EVC: variants seen among roughly 807,000 people sequenced by gnomAD.
EVC encodes EvC ciliary complex subunit 1.
In EVC, 116 loss-of-function variants were observed where a neutral mutation model predicts 118.9. That is an observed-to-expected ratio of 0.98 (90% CI 0.84 to 1.14). The LOEUF (loss-of-function observed/expected upper bound fraction) is 1.14. EVC is among the 50% of genes most tolerant of loss of function. EVC has a pLI of 0.00. For missense variants in EVC, 1,401 were observed against 1,246.4 expected (o/e 1.12, Z -1.87); for synonymous variants, 619 against 534.7 (o/e 1.16, Z -2.18).
At position 5,805,153 on chromosome 4, in the gene EVC, T is replaced by C. The variant is rs572546409; in HGVS notation, c.2561+312T>C. On this transcript the variant is annotated intron_variant, in intron 17 of 20. Coordinates refer to ENST00000264956, the MANE Select transcript of EVC (RefSeq NM_153717.3). ...CGCCTACCCTCTCATACTTTGGGCA[T>C]TCTCAGAAGCAGACCTTGACGAGGA... Among the ~76,000 whole-genome samples, 6 of 152,238 alleles carry C rather than the reference T, an allele frequency of 3.9e-5. No individual in the cohort carries two copies. In the East Asian group the frequency reaches 9.7e-4, roughly 25 times the overall value.
chr4:5,825,301 AC>A, the EVC span: 2 of 984,146 alleles, frequency 2.0e-6, no homozygotes, highest in Non-Finnish European at 2.4e-6. The surrounding 1 kb of genome is among the most constrained non-coding windows in gnomAD (Gnocchi z 4.4). Context: ...CCTAACATGG[AC>A]CCCCCTCTGC....
chr4:5,819,483 A>G, the EVC span, among the ~76,000 whole-genome samples: 1 of 152,206 alleles, frequency 6.6e-6, no homozygotes, highest in African/African-American at 2.4e-5. Context: ...TGTCCCCTGT[A>G]ACTGTGCCTC....
chr4:5,718,531 A>G (rs1724366331), intron 1 of EVC, among the ~76,000 whole-genome samples: 1 of 151,932 alleles, frequency 6.6e-6, no homozygotes. Flanking sequence ...AAACTGTGCT[A>G]CTAGAGTATG....
At chr4:5,796,241 TTG>T (rs1437202314) in intron 13 of EVC, among the ~76,000 whole-genome samples, 1 of 152,162 alleles carries the variant, frequency 6.6e-6, no homozygotes, top group African/African-American at 2.4e-5. Flanking sequence ...AGTGTAAAGG[TTG>T]TGTCTGACGA....
intron 11 of EVC, among the ~76,000 whole-genome samples, chr4:5,772,637 T>A (rs761260955): frequency 7.9e-5 from 12 of 151,866 alleles, no homozygotes; most frequent in Non-Finnish European, 8.8e-5. Context: ...ACCCACAAGG[T>A]CTTCCTGGCC....
At chr4:5,783,954 A>G (rs2152290562) in intron 12 of EVC, among the ~76,000 whole-genome samples, 190 bp downstream of exon 12, 1 of 152,298 alleles carries the variant, frequency 6.6e-6, no homozygotes, top group Middle Eastern at 3.4e-3. Context: ...ATCTCCCTCA[A>G]CAGGAAGTCG....
chr4:5,770,967 G>A (rs1023566792), intron 11 of EVC, among the ~76,000 whole-genome samples: 3 of 151,154 alleles, frequency 2.0e-5, no homozygotes, highest in Admixed American at 6.6e-5. Flanking sequence ...AGACGAGATC[G>A]CACCATTGCA....
Position 5,753,968 on chromosome 4 carries a change from G to T in EVC, c.1464+35G>T, listed in dbSNP as rs942855280. The T allele has an allele frequency of 1.9e-6, 3 of 1,611,812 alleles. No individual in the cohort carries two copies. In the African/African-American group the frequency reaches 4.0e-5, roughly 22 times the overall value. On this transcript the variant is annotated intron_variant, in intron 10 of 20. Coordinates refer to ENST00000264956, the MANE Select transcript of EVC (RefSeq NM_153717.3). ...ATCCCCAGCCTCTGCACATGTGGGT[G>T]AGCCAGTTGTAGCTCTGTTCCCGTG... is the stretch of plus-strand genomic sequence containing the variant.
intron 2 of EVC, among the ~76,000 whole-genome samples, chr4:5,723,332 G>A (rs1345225549): frequency 6.6e-6 from 1 of 152,008 alleles, no homozygotes; most frequent in Non-Finnish European, 1.5e-5. Context: ...TGGGATTACA[G>A]GCATGCGCCA....
At chr4:5,828,292 C>A in the EVC span, 11 of 985,038 alleles carry the variant, frequency 1.1e-5, no homozygotes, top group Non-Finnish European at 1.1e-5. Flanking sequence ...CTGGAACTTG[C>A]ATGTCCTCAT....
chr4:5,758,348 A>G (rs948510337), intron 11 of EVC: 5 of 533,306 alleles, frequency 9.4e-6, no homozygotes, highest in Non-Finnish European at 1.7e-5. Context: ...AGCCACAGGA[A>G]ACTAAACGGA....
chr4:5,752,678 G>A (rs963059213), intron 8 of EVC, 158 bp from the exon 9 acceptor site: 24 of 772,844 alleles, frequency 3.1e-5, no homozygotes, highest in South Asian at 1.8e-4. Context: ...CGCAGATCTC[G>A]CTCATGAAGG....
At chr4:5,801,718 C>A in intron 15 of EVC, 1 of 460,698 alleles carries the variant, frequency 2.2e-6, no homozygotes, top group Non-Finnish European at 4.0e-6. Context: ...TCTTAGCCGA[C>A]TTTCCCTAAC....
Position 5,798,498 on chromosome 4 carries a change from G to T in EVC, c.2098-88G>T. Reference sequence around the variant, plus strand: ...TCCCTTTTCCAACCCCTGGGCCCTGGATAGGACCAGCCCCACATCCCAGTC... The same window carrying T: ...TCCCTTTTCCAACCCCTGGGCCCTGTATAGGACCAGCCCCACATCCCAGTC... On this transcript the variant is annotated intron_variant, in intron 14 of 20. Transcript: ENST00000264956. The surrounding 1 kb of genome is among the most constrained non-coding windows in gnomAD (Gnocchi z 4.1). 1 of 1,386,264 alleles carries T rather than the reference G, an allele frequency of 7.2e-7. No homozygotes were observed. 85.9% of individuals were successfully genotyped at this position (1,386,264 alleles called of 1,614,324 possible).
chr4:5,752,663 G>A (rs1730564291), intron 8 of EVC, 173 bp from the exon 9 acceptor site: 1 of 719,244 alleles, frequency 1.4e-6, no homozygotes, highest in Non-Finnish European at 2.5e-6. Context: ...CACCTCGGGG[G>A]CAGACGCAGA....
At chr4:5,790,042 A>G (rs1712463531) in intron 12 of EVC, among the ~76,000 whole-genome samples, 3 of 152,038 alleles carry the variant, frequency 2.0e-5, no homozygotes, top group Admixed American at 6.5e-5. Context: ...TGAGTCGGGC[A>G]TGGTGACATG....
Position 5,738,832 on chromosome 4 carries a change from C to T in EVC, c.703-2884C>T, listed in dbSNP as rs963617850. 6.6e-6 allele frequency among the ~76,000 whole-genome samples: 1 copy of T among 152,110 alleles called. No individual in the cohort carries two copies. The highest frequency in any genetic ancestry group is 1.9e-4 in the East Asian group (1 of 5,182). ...CCACCTGCCTCCGCCTCCCAAAGTG[C>T]TGGGATTACGGGTGTGAGCCACCGC... is the stretch of plus-strand genomic sequence containing the variant. On this transcript the variant is annotated intron_variant, in intron 5 of 20. Coordinates refer to ENST00000264956, the MANE Select transcript of EVC (RefSeq NM_153717.3). The surrounding 1 kb of genome is among the most constrained non-coding windows in gnomAD (Gnocchi z 6.5).
intron 14 of EVC, among the ~76,000 whole-genome samples, chr4:5,797,872 C>T (rs1714267576): frequency 6.6e-6 from 1 of 152,144 alleles, no homozygotes; most frequent in African/African-American, 2.4e-5. Flanking sequence ...GTAGAGAAGG[C>T]CTCTGTGGTC....
intron 2 of EVC, among the ~76,000 whole-genome samples, chr4:5,726,969 C>G (rs1725956560): frequency 6.6e-6 from 1 of 152,076 alleles, no homozygotes; most frequent in Non-Finnish European, 1.5e-5. Flanking sequence ...TCCAGTCTAT[C>G]ATTGTTGGAC....
Sources: gnomAD v4.1 joint callset for allele counts (sites outside exome capture counted in the v4.1 genomes callset) on GRCh38, gnomAD v4.1.1 for gene constraint, Gnocchi (gnomAD v3.1) non-coding constraint, MANE v1.5 for transcripts, NCBI Gene and HGNC (gene_info 2026-07-23, HGNC 2026-07-21) for gene names.